Variants in ATP11A observed in about 807,000 individuals in gnomAD.
ATP11A encodes phospholipid-transporting ATPase IH.
In ATP11A, 81 loss-of-function variants were observed where a neutral mutation model predicts 154.4. That is an observed-to-expected ratio of 0.52 (90% confidence interval 0.44 to 0.63). ATP11A has a LOEUF of 0.63. Ranked by LOEUF, ATP11A falls within the 30% of genes least tolerant of loss-of-function variation. The probability of loss-of-function intolerance (pLI) is 0.00; values close to 1 mark genes in which losing one functional copy is unlikely to be tolerated. For missense variants in ATP11A, 1,316 were observed against 1,474.3 expected, an observed-to-expected ratio of 0.89 and a Z score of 1.76; for synonymous variants, 623 against 585.9, an observed-to-expected ratio of 1.06 and a Z score of -0.91.
chr13:112,755,761 C>T (rs1238276761), intron 1 of ATP11A, among the ~76,000 whole-genome samples: 1 of 146,770 alleles, frequency 6.8e-6, no homozygotes, highest in Admixed American at 6.8e-5. Context: ...CTCAGAGCGG[C>T]TCCCAGAACC....
At chr13:112,840,910 C>T (rs1279393122) in intron 16 of ATP11A, among the ~76,000 whole-genome samples, 1 of 152,208 alleles carries the variant, frequency 6.6e-6, no homozygotes, top group Non-Finnish European at 1.5e-5. Context: ...CACTCTGGGG[C>T]CCTCTGGATT....
At position 112,875,054 on chromosome 13, in the gene ATP11A, A is replaced by C. The variant is rs1277475471; in HGVS notation, c.3162-722A>C. Among the ~76,000 whole-genome samples, 2 of 152,146 alleles carry C rather than the reference A, an allele frequency of 1.3e-5. No individual in the cohort carries two copies. The highest frequency in any genetic ancestry group is 1.3e-4 in the Admixed American group (2 of 15,284). On this transcript the variant is annotated intron_variant, in intron 27 of 29. Transcript: ENST00000375645. This position sits in a 1 kb window ranked among gnomAD's most constrained non-coding sequence, Gnocchi z 4.1. ...CCCCATCCTCCTGCCCGCCACCAGCACCACGTGGGTGCCCCCAGCCCCATC... is the reference window on the plus strand; with the variant it reads ...CCCCATCCTCCTGCCCGCCACCAGCCCCACGTGGGTGCCCCCAGCCCCATC...
At chr13:112,721,449 C>T (rs1024297158) in intron 1 of ATP11A, among the ~76,000 whole-genome samples, 2 of 152,198 alleles carry the variant, frequency 1.3e-5, no homozygotes, top group South Asian at 2.1e-4. Context: ...CGAGGGAAGC[C>T]GGGTACTCCA....
At chr13:112,723,010 T>G (rs1017857927) in intron 1 of ATP11A, among the ~76,000 whole-genome samples, 1 of 152,044 alleles carries the variant, frequency 6.6e-6, no homozygotes, top group African/African-American at 2.4e-5. Flanking sequence ...TATCTAAAAC[T>G]TGGAGTCAAC....
intron 28 of ATP11A, among the ~76,000 whole-genome samples, chr13:112,876,323 G>T (rs1393551069): frequency 6.6e-6 from 1 of 152,102 alleles, no homozygotes; most frequent in Non-Finnish European, 1.5e-5. Flanking sequence ...ATCAGGAAAT[G>T]CTGGTATTGG....
intron 16 of ATP11A, among the ~76,000 whole-genome samples, chr13:112,840,510 A>C (rs983454492): frequency 1.2e-4 from 3 of 25,228 alleles, no homozygotes; most frequent in African/African-American, 1.7e-4. Flanking sequence ...CAGCCTCCCC[A>C]CTTTCTCATC....
intron 2 of ATP11A, among the ~76,000 whole-genome samples, chr13:112,797,727 A>T (rs141801108): frequency 1.7e-3 from 256 of 152,342 alleles, no homozygotes; most frequent in African/African-American, 5.9e-3. Context: ...GGCAAACAAA[A>T]ATTGAGCGAA....
intron 18 of ATP11A, among the ~76,000 whole-genome samples, chr13:112,853,117 G>A (rs994520902): frequency 1.3e-5 from 2 of 152,198 alleles, no homozygotes; most frequent in South Asian, 4.1e-4. Context: ...CTACTTGGGA[G>A]GCTGAGGAGG....
chr13:112,727,070 C>T (rs1435124648), intron 1 of ATP11A, among the ~76,000 whole-genome samples: 1 of 152,058 alleles, frequency 6.6e-6, no homozygotes, highest in African/African-American at 2.4e-5. Context: ...TTTCTTGAGA[C>T]AGATTGTTGC....
At chr13:112,769,400 G>C (rs1036744120) in intron 1 of ATP11A, among the ~76,000 whole-genome samples, 1 of 152,234 alleles carries the variant, frequency 6.6e-6, no homozygotes, top group Admixed American at 6.5e-5. Flanking sequence ...TGCCCGCTGC[G>C]TTTGGGGGTG....
chr13:112,775,778 G>A (rs2077333605), intron 1 of ATP11A, among the ~76,000 whole-genome samples: 1 of 152,172 alleles, frequency 6.6e-6, no homozygotes, highest in Non-Finnish European at 1.5e-5. Flanking sequence ...GACAGTGGCT[G>A]AGCCACTTGT....
rs1207295297 is a variant in ATP11A, at chr13:112,816,076, C to T, written c.442-7C>T. The T allele has an allele frequency of 1.2e-6, 2 of 1,614,138 alleles. No homozygotes were observed. Among genetic ancestry groups the T allele is most frequent in the Non-Finnish European group, 1.7e-6 (2 of 1,180,016 alleles). ...CCATTGACCATCCTTTCTGCTTTGT[C>T]CTGTAGGTTGGGGACATTGTCATGG... On this transcript the variant is annotated splice_polypyrimidine_tract_variant and splice_region_variant and intron_variant, in intron 5 of 29. Coordinates refer to ENST00000375645, the MANE Select transcript of ATP11A (RefSeq NM_015205.3).
chr13:112,885,058 A>G lies in ATP11A; in HGVS notation c.*3192A>G, dbSNP rs376704487. 1.3e-4 allele frequency: 20 copies of G among 152,044 alleles called. No homozygotes were observed. Among genetic ancestry groups the G allele is most frequent in the African/African-American group, 4.8e-4 (20 of 41,238 alleles). The allele number at this position is 152,044 out of a possible 1,614,324, so 9.4% of individuals were successfully genotyped here. ...ATGCATGCACACAAACGTGTACACA[A>G]GTGTGAGCTCCTACACGCATACACA... On this transcript the variant is annotated 3_prime_UTR_variant, in exon 30 of 30. Transcript: ENST00000375645.
At chr13:112,699,874 G>A (rs1253122636) in intron 1 of ATP11A, among the ~76,000 whole-genome samples, 1 of 152,146 alleles carries the variant, frequency 6.6e-6, no homozygotes, top group Non-Finnish European at 1.5e-5. Context: ...CTTGTCCTGG[G>A]TGGTGAGGAT....
intron 8 of ATP11A, 53 bp from the exon 9 acceptor site, chr13:112,823,292 C>G: frequency 6.9e-7 from 1 of 1,452,642 alleles, no homozygotes; most frequent in South Asian, 1.2e-5. Flanking sequence ...TGCCCCCCGC[C>G]CTGCCCACTT....
chr13:112,855,940 T>C lies in ATP11A; in HGVS notation c.2273T>C (p.Leu758Ser), dbSNP rs1361615791. 1 of 1,613,818 alleles carries C rather than the reference T, an allele frequency of 6.2e-7. No individual in the cohort carries two copies. Among genetic ancestry groups the C allele is most frequent in the South Asian group, 1.1e-5 (1 of 91,048 alleles). ...GLSADMQDYG[L>S]IIDGAALSLI... is the part of the protein sequence containing the mutation. The stretch of plus-strand genomic sequence containing the variant: ...TCAGCAGATATGCAGGACTACGGTT[T>C]AATTATCGACGGAGCTGCACTGTCT... The change falls in exon 20 of 30, where the codon TTA (leucine) becomes TCA (serine). Residue 758 changes from leucine (L) to serine (S), a missense_variant. Transcript: ENST00000375645.
chr13:112,867,504 A>G (rs1010397), intron 25 of ATP11A, among the ~76,000 whole-genome samples: 3,792 of 152,298 alleles, frequency 0.025, 179 homozygotes, highest in African/African-American at 0.086. Flanking sequence ...CTGGCAACGC[A>G]GTGCCAGGGG....
Position 112,875,930 on chromosome 13 carries a change from G to A in ATP11A, c.3316G>A (p.Glu1106Lys), listed in dbSNP as rs781187093. Residue 1106 changes from glutamate to lysine, a missense_variant, in exon 28 of 30, where the codon GAG becomes AAG. Glu to Lys is a moderately conservative substitution (Grantham distance 56). This residue lies in a region of ATP11A where 294 missense variants were observed against 290.2 expected (regional missense o/e 1.01). Transcript: ENST00000375645. This position sits in a 1 kb window ranked among gnomAD's most constrained non-coding sequence, Gnocchi z 4.1. ...LCRQLWPTATERVQTKSQCLS... is the reference protein window; with the variant it reads ...LCRQLWPTATKRVQTKSQCLS... ...CCGGCAGCTGTGGCCAACAGCAACAGAGAGAGTCCAGGTACGGAGTGTCCC... is the reference window on the plus strand; with the variant it reads ...CCGGCAGCTGTGGCCAACAGCAACAAAGAGAGTCCAGGTACGGAGTGTCCC... 9.3e-6 allele frequency: 15 copies of A among 1,611,540 alleles called. No homozygotes were observed. In the South Asian group the frequency reaches 1.5e-4, roughly 17 times the overall value.
At chr13:112,743,633 G>A (rs917524716) in intron 1 of ATP11A, among the ~76,000 whole-genome samples, 2 of 152,058 alleles carry the variant, frequency 1.3e-5, no homozygotes, top group Non-Finnish European at 2.9e-5. Flanking sequence ...TAACCTGTGC[G>A]ATGTTGCAGG....
Sources: gnomAD v4.1 joint callset for allele counts (sites outside exome capture counted in the v4.1 genomes callset) on GRCh38, gnomAD v4.1.1 for gene constraint, gnomAD v4.1.1 regional missense constraint, Gnocchi (gnomAD v3.1) non-coding constraint, MANE v1.5 for transcripts, NCBI Gene and HGNC (gene_info 2026-07-23, HGNC 2026-07-21) for gene names.